SPEF2: variants seen among roughly 807,000 people sequenced by gnomAD.
SPEF2 encodes sperm flagella and cilia-associated protein 2.
Under a neutral mutation model 224.6 loss-of-function variants are expected in SPEF2, and 187 were observed. The observed-to-expected ratio is 0.83, with a 90% CI of 0.74 to 0.94. The LOEUF is 0.94. SPEF2 is among the 40% of genes least tolerant of loss of function. SPEF2 has a pLI of 0.00. For missense variants in SPEF2, 2,170 were observed against 2,135.6 expected, an observed-to-expected ratio of 1.02 and a Z score of -0.32; for synonymous variants, 715 against 707.3, an observed-to-expected ratio of 1.01 and a Z score of -0.17.
rs568197113 is a variant in SPEF2, at chr5:35,760,232, G to A, written c.3620+513G>A. 3.3e-5 allele frequency among the ~76,000 whole-genome samples: 5 copies of A among 151,756 alleles called. No individual in the cohort carries two copies. The East Asian group carries it at 9.7e-4, about 29-fold the overall frequency. On this transcript the variant is annotated intron_variant, in intron 25 of 36. Coordinates refer to ENST00000356031, the MANE Select transcript of SPEF2 (RefSeq NM_024867.4). ...AAAAAAATTAGCCGGGCGTAGTGGC[G>A]GGCGCCTGTAGTCCCAGCTACTCAG...
chr5:35,774,928 C>T (rs964917582), intron 28 of SPEF2, among the ~76,000 whole-genome samples: 7 of 152,116 alleles, frequency 4.6e-5, no homozygotes, highest in African/African-American at 1.4e-4. Context: ...TATTGCCTGC[C>T]CTGCATCTGA....
At position 35,779,208 on chromosome 5, in the gene SPEF2, A is replaced by G. The variant is rs766518205; in HGVS notation, c.4309A>G (p.Ile1437Val). The change falls in exon 30 of 37, where the codon ATT (isoleucine) becomes GTT (valine). Residue 1437 changes from isoleucine (I) to valine (V), a missense_variant. Transcript: ENST00000356031. ...ELYLSQEDFFINGNIKVFPDP... is the reference protein window; with the variant it reads ...ELYLSQEDFFVNGNIKVFPDP... ...TTATTTAAGCCAAGAAGACTTCTTC[A>G]TTAATGGCAATATAAAAGTCTTCCC... 6.2e-7 allele frequency: 1 copy of G among 1,613,968 alleles called. No homozygotes were observed. The highest frequency in any genetic ancestry group is 1.1e-5 in the South Asian group (1 of 91,084).
intron 11 of SPEF2, among the ~76,000 whole-genome samples, chr5:35,691,689 C>T (rs1425823176): frequency 6.6e-6 from 1 of 152,146 alleles, no homozygotes; most frequent in Non-Finnish European, 1.5e-5. Flanking sequence ...GATGGTTGCA[C>T]ACATTGTGAA....
At position 35,705,704 on chromosome 5, in the gene SPEF2, C is replaced by A; in HGVS notation, c.2561C>A (p.Pro854Gln). The change falls in exon 18 of 37, where the codon CCA becomes CAA. Residue 854 changes from proline (P) to glutamine (Q), a missense_variant. Physicochemically the swap from Pro to Gln is moderately conservative, Grantham distance 76 (BLOSUM62 -1). Transcript: ENST00000356031. ...WPLLEQWFSE[P>Q]ENILIKINAE... is the part of the protein sequence containing the mutation. The stretch of plus-strand genomic sequence containing the variant: ...TTATTGGAGCAATGGTTTTCAGAGC[C>A]AGAAAATATTTTGATAAAAATCAAT... The A allele has an allele frequency of 6.3e-7, 1 of 1,589,486 alleles. No individual in the cohort carries two copies. Among genetic ancestry groups the A allele is most frequent in the Non-Finnish European group, 8.5e-7 (1 of 1,172,370 alleles).
intron 1 of SPEF2, among the ~76,000 whole-genome samples, chr5:35,621,179 T>C (rs759542552): frequency 1.3e-4 from 20 of 152,224 alleles, no homozygotes; most frequent in Non-Finnish European, 2.5e-4. Flanking sequence ...AAGCATATTA[T>C]AATAAAGTAT....
At chr5:35,708,906 T>C (rs767318661) in intron 18 of SPEF2, 42 bp from the exon 19 acceptor site, 1 of 1,524,550 alleles carries the variant, frequency 6.6e-7, no homozygotes, top group South Asian at 1.2e-5. Context: ...AGTAGATTTC[T>C]AGAGTCTCTA....
intron 33 of SPEF2, among the ~76,000 whole-genome samples, chr5:35,798,403 T>TG (rs1449520129): frequency 1.3e-5 from 2 of 152,142 alleles, no homozygotes; most frequent in African/African-American, 4.8e-5. Flanking sequence ...CCTTGGGAGT[T>TG]CAGCCTCAGC....
intron 30 of SPEF2, chr5:35,788,313 G>T (rs1159296527): frequency 1.4e-6 from 1 of 702,918 alleles, no homozygotes; most frequent in Non-Finnish European, 2.6e-6. Context: ...ATTTGGATGT[G>T]CAAATTAGAT....
chr5:35,709,662 TA>T lies in SPEF2; in HGVS notation c.2839+544del, dbSNP rs1740706056. ...AAACATATATTTATGGACACAGAGA[TA>T]AAGAGCCTAGATAGAGAACACTTTT... On this transcript the variant is annotated intron_variant, in intron 19 of 36. Transcript: ENST00000356031. 6 of 881,216 alleles carry T rather than the reference TA, an allele frequency of 6.8e-6. 1 individual carries two copies. The African/African-American group carries it at 1.1e-4, about 16-fold the overall frequency. The allele number at this position is 881,216 out of a possible 1,614,324, so 54.6% of individuals were successfully genotyped here.
intron 26 of SPEF2, among the ~76,000 whole-genome samples, chr5:35,766,018 G>T (rs889906683): frequency 6.6e-6 from 1 of 151,906 alleles, no homozygotes; most frequent in African/African-American, 2.4e-5. Flanking sequence ...AATATTACTG[G>T]GTTTGTTTTG....
chr5:35,691,332 T>TA, intron 11 of SPEF2, 76 bp downstream of exon 11: 1 of 1,164,334 alleles, frequency 8.6e-7, no homozygotes, highest in South Asian at 1.4e-5. Context: ...TCTATGTGTA[T>TA]AAAAAACATA....
intron 11 of SPEF2, among the ~76,000 whole-genome samples, chr5:35,691,619 A>G (rs1055577221): frequency 1.3e-5 from 2 of 152,196 alleles, no homozygotes; most frequent in African/African-American, 2.4e-5. Context: ...GAGGAGTGAC[A>G]GCAGTTGATT....
chr5:35,771,573 G>C, intron 26 of SPEF2, 36 bp from the exon 27 acceptor site: 1 of 1,579,164 alleles, frequency 6.3e-7, no homozygotes, highest in Admixed American at 2.0e-5. Flanking sequence ...TTTTGTAAAT[G>C]AGACATTAAC....
At chr5:35,682,496 A>T (rs1187487950) in intron 10 of SPEF2, among the ~76,000 whole-genome samples, 2 of 152,212 alleles carry the variant, frequency 1.3e-5, no homozygotes, top group African/African-American at 4.8e-5. Flanking sequence ...TTTAATTCTG[A>T]AATATTTAGA....
At chr5:35,777,664 CAAATAAAT>C (rs35899152) in intron 29 of SPEF2, among the ~76,000 whole-genome samples, 28,147 of 143,910 alleles carry the variant, frequency 0.2, 3,116 homozygotes, top group Non-Finnish European at 0.25. Context: ...AAATGTGATA[CAAATAAAT>C]AAATAAATAA....
chr5:35,634,000 T>C (rs1412247341), intron 2 of SPEF2, among the ~76,000 whole-genome samples: 1 of 152,066 alleles, frequency 6.6e-6, no homozygotes, highest in African/African-American at 2.4e-5. Context: ...GTTTTATAAT[T>C]ATTGCTATAT....
intron 25 of SPEF2, 52 bp downstream of exon 25, chr5:35,759,771 T>C: frequency 7.0e-7 from 1 of 1,419,238 alleles, no homozygotes; most frequent in Non-Finnish European, 9.4e-7. Context: ...TAAAGCTTTG[T>C]GATTTAAAAT....
chr5:35,730,151 G>C (rs1580481134), intron 21 of SPEF2, among the ~76,000 whole-genome samples: 1 of 152,294 alleles, frequency 6.6e-6, no homozygotes, highest in Middle Eastern at 3.4e-3. Flanking sequence ...TACTTCAACA[G>C]ACAAATGATG....
At chr5:35,741,282 G>T (rs1747593972) in intron 23 of SPEF2, among the ~76,000 whole-genome samples, 1 of 152,228 alleles carries the variant, frequency 6.6e-6, no homozygotes, top group Non-Finnish European at 1.5e-5. Flanking sequence ...AGTGGCTGTG[G>T]AAAATCTCAC....
Sources: allele counts gnomAD v4.1 joint callset (sites outside exome capture counted in the v4.1 genomes callset), GRCh38; gene constraint gnomAD v4.1.1; transcripts MANE v1.5; gene names NCBI Gene and HGNC (gene_info 2026-07-23, HGNC 2026-07-21).